The following PAPPA variants were observed in gnomAD, a reference collection of about 807,000 sequenced individuals.
The protein encoded by PAPPA is pappalysin 1.
A neutral mutation model predicts 164.0 loss-of-function variants in PAPPA; 60 were observed. The observed-to-expected ratio is 0.37, with a 90% CI of 0.30 to 0.45. The LOEUF (loss-of-function observed/expected upper bound fraction) is 0.45. PAPPA is among the 20% of genes least tolerant of loss of function. The probability of loss-of-function intolerance (pLI) is 1.00; values close to 1 mark genes in which losing one functional copy is unlikely to be tolerated. For synonymous variants in PAPPA, 875 were observed against 814.1 expected (o/e 1.07, Z -1.27); for missense variants, 1,782 against 2,087.3 (o/e 0.85, Z 2.85).
chr9:116,324,655 G>C (rs1156949793), intron 10 of PAPPA, among the ~76,000 whole-genome samples: 1 of 152,180 alleles, frequency 6.6e-6, no homozygotes, highest in Non-Finnish European at 1.5e-5. Context: ...ATTCTGCCTG[G>C]GGAGTGAGTA....
At chr9:116,315,922 T>C (rs916082322) in intron 10 of PAPPA, among the ~76,000 whole-genome samples, 3 of 152,240 alleles carry the variant, frequency 2.0e-5, no homozygotes, top group Non-Finnish European at 4.4e-5. Flanking sequence ...GATTACATTA[T>C]GTAGAGAACT....
intron 2 of PAPPA, among the ~76,000 whole-genome samples, chr9:116,189,711 C>CTT: frequency 6.6e-6 from 1 of 152,336 alleles, no homozygotes; most frequent in South Asian, 2.1e-4. Context: ...TCACACTGAA[C>CTT]TTTTCTATTC....
intron 17 of PAPPA, among the ~76,000 whole-genome samples, chr9:116,356,935 A>G (rs1050871777): frequency 6.6e-6 from 1 of 152,210 alleles, no homozygotes; most frequent in African/African-American, 2.4e-5. Context: ...CGTTCTGCAC[A>G]TGTATCCCAG....
Position 116,187,002 on chromosome 9 carries a change from G to A in PAPPA, c.416-152G>A. ...GCCTTGCCCTCGAGGTGGTCCCAGA[G>A]GCACCATTAGCAACTCCTAGGATCC... On this transcript the variant is annotated intron_variant, in intron 1 of 21. Coordinates refer to ENST00000328252, the MANE Select transcript of PAPPA (RefSeq NM_002581.5). The surrounding 1 kb of genome is among the most constrained non-coding windows in gnomAD (Gnocchi z 4.2). The A allele has an allele frequency of 1.7e-6, 1 of 596,790 alleles. No individual in the cohort carries two copies. Among genetic ancestry groups the A allele is most frequent in the Non-Finnish European group, 2.9e-6 (1 of 346,382 alleles). The allele number at this position is 596,790 out of a possible 1,614,324, so 37.0% of individuals were successfully genotyped here.
At chr9:116,388,794 T>C (rs531936755) in intron 21 of PAPPA, among the ~76,000 whole-genome samples, 1 of 152,150 alleles carries the variant, frequency 6.6e-6, no homozygotes. Context: ...CAGAAACACA[T>C]CTCAGCACAG....
chr9:116,384,227 A>G (rs952104849), intron 21 of PAPPA, among the ~76,000 whole-genome samples: 2 of 151,344 alleles, frequency 1.3e-5, no homozygotes, highest in African/African-American at 4.9e-5. Flanking sequence ...GGAGTTGGAG[A>G]CCAGCCAGAG....
At position 116,329,904 on chromosome 9, in the gene PAPPA, A is replaced by G. The variant is rs75524539; in HGVS notation, c.3148-1340A>G. Among the ~76,000 whole-genome samples, 1,267 of 152,292 alleles carry G rather than the reference A, an allele frequency of 8.3e-3. 10 individuals carry two copies. The highest frequency in any genetic ancestry group is 0.03 in the East Asian group (157 of 5,188). On this transcript the variant is annotated intron_variant, in intron 10 of 21. Coordinates refer to ENST00000328252, the MANE Select transcript of PAPPA (RefSeq NM_002581.5). ...CTGTCATGTGAATATTTCATATTTT[A>G]TACATTTCTCCACCAACAGGAGAAC... is the stretch of plus-strand genomic sequence containing the variant.
At chr9:116,193,727 C>T (rs977320873) in intron 2 of PAPPA, among the ~76,000 whole-genome samples, 7 of 152,158 alleles carry the variant, frequency 4.6e-5, no homozygotes, top group Admixed American at 4.6e-4. Context: ...GTGATAAATG[C>T]TGTAGGGGTC....
rs906727022 is a variant in PAPPA at position 116,347,707 on chromosome 9, A to G, written c.3964+498A>G. Among the ~76,000 whole-genome samples, 5 of 152,172 alleles carry G rather than the reference A, an allele frequency of 3.3e-5. No individual in the cohort carries two copies. Among genetic ancestry groups the G allele is most frequent in the Admixed American group, 6.5e-5 (1 of 15,288 alleles). On this transcript the variant is annotated intron_variant, in intron 15 of 21. Coordinates refer to ENST00000328252, the MANE Select transcript of PAPPA (RefSeq NM_002581.5). This position sits in a 1 kb window ranked among gnomAD's most constrained non-coding sequence, Gnocchi z 4.5. ...TGAAACCCAGGTCTGTTGTTCTCCAATGCTGGCTGCCACTCATTAAGAGGG... is the reference window on the plus strand; with the variant it reads ...TGAAACCCAGGTCTGTTGTTCTCCAGTGCTGGCTGCCACTCATTAAGAGGG...
intron 1 of PAPPA, among the ~76,000 whole-genome samples, chr9:116,164,582 A>G (rs1274651493): frequency 6.6e-6 from 1 of 152,210 alleles, no homozygotes; most frequent in Admixed American, 6.5e-5. Context: ...GAGACCTGTT[A>G]TAGCCTTGTG....
In PAPPA at chr9:116,327,489, C is replaced by T. The variant is rs145311913; in HGVS notation, c.3148-3755C>T. Among the ~76,000 whole-genome samples, 22 of 152,028 alleles carry T rather than the reference C, an allele frequency of 1.4e-4. No individual in the cohort carries two copies. The East Asian group carries it at 2.3e-3, about 16-fold the overall frequency. Reference sequence around the variant, plus strand: ...GAGAGCTAAAGAGGCCCCTAGAATGCGTGATATAACTCTCCTGCATGTCTC... The same window carrying T: ...GAGAGCTAAAGAGGCCCCTAGAATGTGTGATATAACTCTCCTGCATGTCTC... On this transcript the variant is annotated intron_variant, in intron 10 of 21. Transcript: ENST00000328252.
At chr9:116,258,009 T>C (rs1388706963) in intron 7 of PAPPA, among the ~76,000 whole-genome samples, 1 of 151,994 alleles carries the variant, frequency 6.6e-6, no homozygotes, top group Admixed American at 6.5e-5. Flanking sequence ...GAGTAAGGCA[T>C]ATATTGCTAA....
intron 7 of PAPPA, among the ~76,000 whole-genome samples, chr9:116,236,705 G>A (rs761225061): frequency 1.5e-4 from 23 of 151,436 alleles, no homozygotes; most frequent in Non-Finnish European, 3.1e-4. Context: ...AGCCATTAGT[G>A]CTTTTCCTGT....
chr9:116,177,661 T>C (rs1843853202), intron 1 of PAPPA, among the ~76,000 whole-genome samples: 3 of 152,150 alleles, frequency 2.0e-5, no homozygotes, highest in Non-Finnish European at 2.9e-5. Flanking sequence ...AGTGGTATCA[T>C]TGTCTCCAGG....
chr9:116,194,623 T>C (rs1214261740), intron 2 of PAPPA, among the ~76,000 whole-genome samples: 1 of 152,162 alleles, frequency 6.6e-6, no homozygotes. Context: ...GCCGCTGGTT[T>C]CTCATCTGTA....
At chr9:116,249,636 G>C (rs952374558) in intron 7 of PAPPA, among the ~76,000 whole-genome samples, 21 of 152,140 alleles carry the variant, frequency 1.4e-4, no homozygotes, top group African/African-American at 5.1e-4. Context: ...GATGGCACTT[G>C]TCTATGGTGG....
intron 6 of PAPPA, among the ~76,000 whole-genome samples, chr9:116,230,386 A>G (rs962400855): frequency 4.6e-5 from 7 of 152,144 alleles, no homozygotes; most frequent in African/African-American, 1.7e-4. Context: ...AATGCCAGAC[A>G]TATCTGTATG....
intron 13 of PAPPA, among the ~76,000 whole-genome samples, chr9:116,344,099 A>G (rs889115482): frequency 6.6e-6 from 1 of 152,156 alleles, no homozygotes; most frequent in South Asian, 2.1e-4. Context: ...AGTATATGCC[A>G]GGAGTTCTGC....
intron 18 of PAPPA, among the ~76,000 whole-genome samples, chr9:116,364,386 C>T (rs1193084026): frequency 1.3e-5 from 2 of 152,180 alleles, no homozygotes; most frequent in Non-Finnish European, 2.9e-5. Flanking sequence ...TTCACACGTG[C>T]ATACATAAAC....
Sources: gnomAD v4.1 joint callset for allele counts (sites outside exome capture counted in the v4.1 genomes callset) on GRCh38, gnomAD v4.1.1 for gene constraint, Gnocchi (gnomAD v3.1) non-coding constraint, MANE v1.5 for transcripts, NCBI Gene and HGNC (gene_info 2026-07-23, HGNC 2026-07-21) for gene names.